Variants in TENM4 observed in about 807,000 individuals in gnomAD.
The protein encoded by TENM4 is teneurin transmembrane protein 4.
In TENM4, 82 loss-of-function variants were observed where a neutral mutation model predicts 243.3. The observed-to-expected ratio is 0.34, with a 90% CI of 0.28 to 0.40. The LOEUF (loss-of-function observed/expected upper bound fraction) is 0.40. Ranked by LOEUF, TENM4 falls within the 10% of genes least tolerant of loss-of-function variation. The pLI, the probability that TENM4 is intolerant of heterozygous loss-of-function variation, is 1.00. For synonymous variants in TENM4, 1,412 were observed against 1,456.3 expected, an observed-to-expected ratio of 0.97 and a Z score of 0.69; for missense variants, 3,138 against 3,673.3, an observed-to-expected ratio of 0.85 and a Z score of 3.77.
chr11:78,995,249 G>A (rs1171030077), intron 6 of TENM4, among the ~76,000 whole-genome samples: 11 of 152,194 alleles, frequency 7.2e-5, no homozygotes, highest in African/African-American at 2.2e-4. Flanking sequence ...CAGTGTGATA[G>A]GATGAGATAA....
At chr11:78,983,946 A>C (rs1857862867) in intron 6 of TENM4, among the ~76,000 whole-genome samples, 1 of 152,216 alleles carries the variant, frequency 6.6e-6, no homozygotes, top group Admixed American at 6.5e-5. Context: ...GACTCAGGGA[A>C]TGTTCTAGAG....
chr11:78,914,313 G>A (rs899888165), intron 6 of TENM4, among the ~76,000 whole-genome samples: 4 of 152,318 alleles, frequency 2.6e-5, no homozygotes, highest in South Asian at 2.1e-4. Context: ...GAAGGAAATA[G>A]CGAGAATACT....
chr11:79,160,211 T>G (rs887506896), intron 3 of TENM4, among the ~76,000 whole-genome samples: 1 of 152,122 alleles, frequency 6.6e-6, no homozygotes, highest in East Asian at 1.9e-4. Context: ...CATTTTAACA[T>G]CCTGCTTGTT....
chr11:78,839,998 A>T (rs1418396942), intron 12 of TENM4, among the ~76,000 whole-genome samples: 1 of 152,220 alleles, frequency 6.6e-6, no homozygotes, highest in Non-Finnish European at 1.5e-5. Flanking sequence ...TGGAGATAGT[A>T]ATTCTGACTG....
chr11:79,190,015 T>C (rs1394602828), intron 3 of TENM4, among the ~76,000 whole-genome samples: 6 of 152,020 alleles, frequency 3.9e-5, no homozygotes. Context: ...CTCCCATTCT[T>C]TTTAAAGGGG....
intron 3 of TENM4, among the ~76,000 whole-genome samples, chr11:79,151,442 T>G (rs1035893986): frequency 5.9e-5 from 9 of 152,212 alleles, no homozygotes; most frequent in Non-Finnish European, 8.8e-5. Context: ...GGATTTTTTA[T>G]GTTGACTCTT....
intron 12 of TENM4, 140 bp downstream of exon 12, chr11:78,853,964 G>C: frequency 1.2e-6 from 1 of 811,228 alleles, no homozygotes; most frequent in Non-Finnish European, 1.9e-6. Context: ...AGCAGGCCCA[G>C]TCAGGAGGGT....
chr11:79,247,364 C>T (rs997671689), intron 2 of TENM4, among the ~76,000 whole-genome samples: 3 of 142,200 alleles, frequency 2.1e-5, no homozygotes, highest in Non-Finnish European at 3.0e-5. Context: ...TTGCAGTGAG[C>T]TGAGATCACG....
intron 4 of TENM4, among the ~76,000 whole-genome samples, chr11:79,110,453 A>G (rs2137103024): frequency 6.6e-6 from 1 of 152,290 alleles, no homozygotes; most frequent in South Asian, 2.1e-4. Context: ...GCAGCCTGGT[A>G]CCTAGAGTCC....
At chr11:79,194,177 A>C (rs995275846) in intron 3 of TENM4, among the ~76,000 whole-genome samples, 14 of 151,892 alleles carry the variant, frequency 9.2e-5, no homozygotes, top group African/African-American at 3.4e-4. Context: ...TTTGCCTCCC[A>C]CCATGATTCT....
Position 78,770,860 on chromosome 11 carries a change from TGC to T in TENM4, c.2539+130_2539+131del. ...TCCCTAAGCCACATGTGCAGTTTTT[TGC>T]TTGCCCCGCAGGTCCCCCTGACTGG... On this transcript the variant is annotated intron_variant, in intron 18 of 33. Coordinates refer to ENST00000278550, the MANE Select transcript of TENM4 (RefSeq NM_001098816.3). 3 of 1,215,950 alleles carry T rather than the reference TGC, an allele frequency of 2.5e-6. No individual in the cohort carries two copies. In the Admixed American group the frequency reaches 7.5e-5, roughly 30 times the overall value. 75.3% of individuals were successfully genotyped at this position (1,215,950 alleles called of 1,614,324 possible).
chr11:79,341,406 G>C lies in TENM4; in HGVS notation c.-320-43863C>G, dbSNP rs139312346. 2.4e-3 allele frequency among the ~76,000 whole-genome samples: 365 copies of C among 152,254 alleles called. 2 individuals carry two copies. Among genetic ancestry groups the C allele is most frequent in the African/African-American group, 8.2e-3 (342 of 41,532 alleles). ...CCATGCCTATCCTGAGTGCCACACA[G>C]GCATTATCACACTCAATCTTACTGC... On this transcript the variant is annotated intron_variant, in intron 1 of 33. Coordinates refer to ENST00000278550, the MANE Select transcript of TENM4 (RefSeq NM_001098816.3).
chr11:79,300,078 C>T (rs1208081943), intron 1 of TENM4, among the ~76,000 whole-genome samples: 3 of 152,230 alleles, frequency 2.0e-5, no homozygotes, highest in African/African-American at 7.2e-5. Flanking sequence ...GTACCCCCTC[C>T]TCTGGCTTCC....
chr11:78,777,571 T>C (rs1856761902), intron 17 of TENM4, among the ~76,000 whole-genome samples: 1 of 152,228 alleles, frequency 6.6e-6, no homozygotes, highest in South Asian at 2.1e-4. Flanking sequence ...TTCCTGCCTA[T>C]ATACTAAGCA....
intron 4 of TENM4, among the ~76,000 whole-genome samples, chr11:79,078,268 T>C (rs962166590): frequency 2.6e-5 from 4 of 152,190 alleles, no homozygotes; most frequent in Non-Finnish European, 5.9e-5. Flanking sequence ...CAGGGTGATA[T>C]TTTTAGTTCT....
chr11:78,893,968 G>A (rs1032957496), intron 7 of TENM4, among the ~76,000 whole-genome samples: 4 of 152,174 alleles, frequency 2.6e-5, no homozygotes, highest in Non-Finnish European at 4.4e-5. Flanking sequence ...CAAGGCAGAA[G>A]TCTTATCTGT....
chr11:79,184,007 T>C (rs1380391377), intron 3 of TENM4, among the ~76,000 whole-genome samples: 1 of 152,198 alleles, frequency 6.6e-6, no homozygotes, highest in African/African-American at 2.4e-5. Flanking sequence ...TTTTTGAATA[T>C]ATACCCAAAA....
intron 3 of TENM4, among the ~76,000 whole-genome samples, chr11:79,207,270 T>C (rs1198065427): frequency 6.6e-6 from 1 of 152,198 alleles, no homozygotes; most frequent in Non-Finnish European, 1.5e-5. Context: ...AGCACTGCTA[T>C]GAAAGCTACA....
At chr11:78,698,778 A>T (rs1166847469) in intron 28 of TENM4, among the ~76,000 whole-genome samples, 1 of 152,212 alleles carries the variant, frequency 6.6e-6, no homozygotes, top group Non-Finnish European at 1.5e-5. Flanking sequence ...TTGGGTCTGG[A>T]GGCCAGCTAG....
Sources: gnomAD v4.1 joint callset for allele counts (sites outside exome capture counted in the v4.1 genomes callset) on GRCh38, gnomAD v4.1.1 for gene constraint, MANE v1.5 for transcripts, NCBI Gene and HGNC (gene_info 2026-07-23, HGNC 2026-07-21) for gene names.